The following TSHZ2 variants were observed in gnomAD, a reference collection of about 807,000 sequenced individuals.
TSHZ2 encodes the protein teashirt zinc finger homeobox 2.
In TSHZ2, 21 loss-of-function variants were observed where a neutral mutation model predicts 74.4. The ratio of observed to expected loss-of-function variants is 0.28; its 90% CI spans 0.20 to 0.41. The LOEUF (loss-of-function observed/expected upper bound fraction) is 0.41. Ranked by LOEUF, TSHZ2 falls within the 10% of genes least tolerant of loss-of-function variation. TSHZ2 has a pLI of 1.00. For synonymous variants in TSHZ2, 540 were observed against 515.3 expected (o/e 1.05, Z -0.65); for missense variants, 1,244 against 1,293.5 (o/e 0.96, Z 0.59).
intron 1 of TSHZ2, among the ~76,000 whole-genome samples, chr20:53,151,205 C>T (rs951677501): frequency 6.6e-6 from 1 of 152,164 alleles, no homozygotes; most frequent in Non-Finnish European, 1.5e-5. Flanking sequence ...GAGCTGGGTA[C>T]ATAACAAGCC....
Position 53,391,850 on chromosome 20 carries a change from C to T in TSHZ2, c.*9-95294C>T, listed in dbSNP as rs748143282. 3.4e-4 allele frequency among the ~76,000 whole-genome samples: 51 copies of T among 151,974 alleles called. 1 individual carries two copies. Among genetic ancestry groups the T allele is most frequent in the Non-Finnish European group, 2.9e-5 (2 of 68,002 alleles). Reference sequence around the variant, plus strand: ...CCCAGCTAGTGGGGATATTGAGGCACGAGAATTACTTGAACCTGGGAGGCA... The same window carrying T: ...CCCAGCTAGTGGGGATATTGAGGCATGAGAATTACTTGAACCTGGGAGGCA... On this transcript the variant is annotated intron_variant, in intron 2 of 2. Coordinates refer to ENST00000371497, the MANE Select transcript of TSHZ2 (RefSeq NM_173485.6).
intron 1 of TSHZ2, among the ~76,000 whole-genome samples, chr20:53,069,670 CA>C (rs1985109198): frequency 7.8e-5 from 1 of 12,804 alleles, no homozygotes; most frequent in Non-Finnish European, 2.2e-4. Flanking sequence ...GATACACACA[CA>C]CACACACACA....
chr20:53,035,471 A>G (rs1983783418), intron 1 of TSHZ2, among the ~76,000 whole-genome samples: 1 of 152,200 alleles, frequency 6.6e-6, no homozygotes, highest in South Asian at 2.1e-4. Flanking sequence ...CTTGCTATAA[A>G]AACTCAAGAG....
chr20:53,104,016 C>T (rs564896468), intron 1 of TSHZ2, among the ~76,000 whole-genome samples: 3 of 152,218 alleles, frequency 2.0e-5, no homozygotes, highest in Non-Finnish European at 4.4e-5. Context: ...GACTTAGACC[C>T]GCTTCAGCCA....
chr20:53,165,365 C>T (rs1274037207), intron 1 of TSHZ2, among the ~76,000 whole-genome samples: 4 of 152,174 alleles, frequency 2.6e-5, no homozygotes, highest in Admixed American at 2.6e-4. Flanking sequence ...TGCCTTCAAG[C>T]CTTTTCCTAA....
chr20:53,195,560 G>A (rs949152849), intron 1 of TSHZ2, among the ~76,000 whole-genome samples: 8 of 152,084 alleles, frequency 5.3e-5, no homozygotes, highest in African/African-American at 1.2e-4. Flanking sequence ...ATGTGCCTGC[G>A]GTCTTCATTT....
chr20:53,402,344 A>G (rs1280087008), intron 2 of TSHZ2, among the ~76,000 whole-genome samples: 2 of 152,136 alleles, frequency 1.3e-5, no homozygotes, highest in Non-Finnish European at 1.5e-5. Flanking sequence ...GTTTAGATGT[A>G]TCTAGATACA....
intron 2 of TSHZ2, among the ~76,000 whole-genome samples, chr20:53,414,524 G>C (rs978919192): frequency 6.6e-6 from 1 of 152,080 alleles, no homozygotes. Flanking sequence ...AAGAGGCTGA[G>C]GTAGGAGGAT....
intron 2 of TSHZ2, among the ~76,000 whole-genome samples, chr20:53,272,964 A>G (rs1329139074): frequency 2.0e-4 from 31 of 152,258 alleles, no homozygotes; most frequent in Admixed American, 2.0e-3. Flanking sequence ...GGACTGTGAC[A>G]GGGCCACCTA....
At chr20:53,184,602 G>C (rs1988558606) in intron 1 of TSHZ2, among the ~76,000 whole-genome samples, 1 of 152,136 alleles carries the variant, frequency 6.6e-6, no homozygotes. Context: ...GTGCATATAT[G>C]TATATTTAAA....
intron 2 of TSHZ2, among the ~76,000 whole-genome samples, chr20:53,309,807 C>A (rs1395187725): frequency 6.6e-6 from 1 of 152,186 alleles, no homozygotes; most frequent in Non-Finnish European, 1.5e-5. Context: ...ACCCTTCTGA[C>A]TTGGAAGGGC....
At position 53,253,591 on chromosome 20, in the gene TSHZ2, G is replaced by C. The variant is rs1455685521; in HGVS notation, c.133G>C (p.Gly45Arg). ...CGGTTCAGTAGCTCAACTGCAGGGT[G>C]GCAATGACACAGGGACGGACGAGGA... ...DSGSVAQLQG[G>R]NDTGTDEELE... Residue 45 changes from glycine to arginine, a missense_variant, in exon 2 of 3, where the codon GGC becomes CGC. Coordinates refer to ENST00000371497, the MANE Select transcript of TSHZ2 (RefSeq NM_173485.6). The C allele has an allele frequency of 6.2e-7, 1 of 1,614,016 alleles. No individual in the cohort carries two copies. Among genetic ancestry groups the C allele is most frequent in the African/African-American group, 1.3e-5 (1 of 74,916 alleles).
chr20:53,115,747 A>C (rs1224210536), intron 1 of TSHZ2, among the ~76,000 whole-genome samples: 2 of 152,170 alleles, frequency 1.3e-5, no homozygotes, highest in Non-Finnish European at 2.9e-5. Flanking sequence ...TGAGAGAATG[A>C]GTCTGGTGAG....
At chr20:53,237,698 C>G (rs1350139692) in intron 1 of TSHZ2, among the ~76,000 whole-genome samples, 1 of 152,118 alleles carries the variant, frequency 6.6e-6, no homozygotes, top group Admixed American at 6.5e-5. Flanking sequence ...TGTGATTTAT[C>G]ATGTTATTAT....
chr20:53,374,923 GAAA>G (rs11475187), intron 2 of TSHZ2, among the ~76,000 whole-genome samples: 10 of 123,490 alleles, frequency 8.1e-5, no homozygotes, highest in Middle Eastern at 4.4e-3. Flanking sequence ...CTGTTGATAT[GAAA>G]AAAAAAAAAA....
chr20:53,465,121 G>T (rs1223251049), intron 2 of TSHZ2, among the ~76,000 whole-genome samples: 2 of 152,178 alleles, frequency 1.3e-5, no homozygotes, highest in Admixed American at 1.3e-4. Context: ...GCTTCACTGG[G>T]AAATGGCTGT....
chr20:53,440,420 C>T (rs1256365024), intron 2 of TSHZ2, among the ~76,000 whole-genome samples: 4 of 152,218 alleles, frequency 2.6e-5, no homozygotes, highest in African/African-American at 9.6e-5. Flanking sequence ...TGCATCATTT[C>T]AGCTTGGGAG....
At chr20:53,128,165 G>A (rs1986998389) in intron 1 of TSHZ2, among the ~76,000 whole-genome samples, 5 of 132,898 alleles carry the variant, frequency 3.8e-5, no homozygotes, top group Non-Finnish European at 6.5e-5. Flanking sequence ...ATCTTCCTAA[G>A]TTAGATGGTG....
At position 53,175,187 on chromosome 20, in the gene TSHZ2, G is replaced by A. The variant is rs922192723; in HGVS notation, c.41-78312G>A. ...ACGGAGTTTTGCTCTTGTTGCCCAG[G>A]CTGAAGTGCAATAGCACGATCTCGG... On this transcript the variant is annotated intron_variant, in intron 1 of 2. Transcript: ENST00000371497. Among the ~76,000 whole-genome samples, 7 of 132,378 alleles carry A rather than the reference G, an allele frequency of 5.3e-5. No individual in the cohort carries two copies. The East Asian group carries it at 1.8e-3, about 33-fold the overall frequency. 86.8% of individuals were successfully genotyped at this position (132,378 alleles called of 152,430 possible). A position where few individuals can be genotyped will look rare whatever the true frequency, so the allele number is the denominator to read the frequency against.
Sources: allele counts gnomAD v4.1 joint callset (sites outside exome capture counted in the v4.1 genomes callset), GRCh38; gene constraint gnomAD v4.1.1; transcripts MANE v1.5; gene names NCBI Gene and HGNC (gene_info 2026-07-23, HGNC 2026-07-21).